Variants in TMEM164 observed in about 807,000 individuals in gnomAD.
TMEM164 encodes the protein RP13-360B22.2.
A neutral mutation model predicts 18.8 loss-of-function variants in TMEM164; 4 were observed. The observed-to-expected ratio is 0.21, with a 90% CI of 0.10 to 0.49. TMEM164 has a LOEUF of 0.49. Among genes scored for constraint, TMEM164 ranks in the 20% least tolerant of loss-of-function variants. The pLI is 0.98. For synonymous variants in TMEM164, 86 were observed against 101.7 expected, an observed-to-expected ratio of 0.85 and a Z score of 0.93; for missense variants, 108 against 239.9, an observed-to-expected ratio of 0.45 and a Z score of 3.63.
At chrX:110,029,011 TC>T (rs1314610738) in intron 2 of TMEM164, among the ~76,000 whole-genome samples, 1 of 111,323 alleles carries the variant, frequency 9.0e-6, no homozygotes, top group Admixed American at 9.6e-5. Flanking sequence ...AATATAGGGG[TC>T]CCGTGGCAAC....
At chrX:110,072,792 C>G (rs2065614122) in intron 3 of TMEM164, among the ~76,000 whole-genome samples, 1 of 109,611 alleles carries the variant, frequency 9.1e-6, no homozygotes, top group Non-Finnish European at 1.9e-5. Flanking sequence ...CTCTCAAGCA[C>G]AAGGACAAGT....
chrX:110,164,432 A>T (rs774762244), intron 5 of TMEM164, among the ~76,000 whole-genome samples: 1 of 111,405 alleles, frequency 9.0e-6, no homozygotes, highest in African/African-American at 3.3e-5. Context: ...ATCGGGAGTG[A>T]GCTGGAAAGG....
At chrX:110,031,812 C>T (rs1163614508) in intron 2 of TMEM164, among the ~76,000 whole-genome samples, 2 of 109,996 alleles carry the variant, frequency 1.8e-5, no homozygotes, top group Admixed American at 1.9e-4. Context: ...TACTACTGTA[C>T]TCTCTACTTC....
chrX:110,062,237 A>G (rs1602552950), intron 2 of TMEM164, among the ~76,000 whole-genome samples: 1 of 112,436 alleles, frequency 8.9e-6, no homozygotes, highest in East Asian at 2.8e-4. Flanking sequence ...TGAAAAGAAC[A>G]CACCAGCTGA....
intron 4 of TMEM164, among the ~76,000 whole-genome samples, chrX:110,115,308 G>C (rs2066345413): frequency 1.8e-5 from 2 of 112,391 alleles, no homozygotes; most frequent in African/African-American, 3.2e-5. Context: ...CCTGAACTGA[G>C]GACAGAATGT....
chrX:110,110,314 C>T (rs777175059), intron 4 of TMEM164, among the ~76,000 whole-genome samples: 101 of 112,272 alleles, frequency 9.0e-4, no homozygotes, highest in African/African-American at 3.1e-3. Context: ...TCATCTAAAG[C>T]AGCGATTTTG....
chrX:110,178,435 G>A (rs2067310370), downstream of TMEM164, among the ~76,000 whole-genome samples: 1 of 112,039 alleles, frequency 8.9e-6, no homozygotes, highest in African/African-American at 3.2e-5. Context: ...GGCTGGTGGG[G>A]AGGAGGTGAG....
chrX:110,084,373 A>ATAG (rs1284472054), intron 3 of TMEM164, among the ~76,000 whole-genome samples: 3 of 62,874 alleles, frequency 4.8e-5, no homozygotes, highest in Non-Finnish European at 8.0e-5. Flanking sequence ...TATAGTATAT[A>ATAG]TATAGTGTAT....
At chrX:110,153,972 T>A (rs2066981802) in intron 5 of TMEM164, among the ~76,000 whole-genome samples, 1 of 111,890 alleles carries the variant, frequency 8.9e-6, no homozygotes, top group Non-Finnish European at 1.9e-5. Context: ...ATTTGTATTT[T>A]TTTTTACTAT....
At chrX:110,094,035 C>T (rs1207070046) in intron 3 of TMEM164, among the ~76,000 whole-genome samples, 3 of 111,507 alleles carry the variant, frequency 2.7e-5, no homozygotes, top group Non-Finnish European at 5.6e-5. Flanking sequence ...AGTTTGATTG[C>T]ACTGTGGTCT....
At chrX:110,099,576 A>G (rs1005686750) in intron 3 of TMEM164, among the ~76,000 whole-genome samples, 2 of 112,466 alleles carry the variant, frequency 1.8e-5, no homozygotes, top group Non-Finnish European at 3.8e-5. Flanking sequence ...TGATGTGTCT[A>G]TTCTTGGGCA....
chrX:110,141,379 C>T (rs1377046749), intron 4 of TMEM164, among the ~76,000 whole-genome samples: 3 of 111,888 alleles, frequency 2.7e-5, no homozygotes, highest in Admixed American at 9.5e-5. Flanking sequence ...AAGACATACA[C>T]AAGACTGGGT....
At chrX:110,031,156 T>C (rs1934487591) in intron 2 of TMEM164, among the ~76,000 whole-genome samples, 1 of 111,856 alleles carries the variant, frequency 8.9e-6, no homozygotes, top group African/African-American at 3.2e-5. Context: ...ACATGAGGTG[T>C]TCGGTTTTCT....
At chrX:110,137,377 A>G (rs1297278807) in intron 4 of TMEM164, among the ~76,000 whole-genome samples, 1 of 111,244 alleles carries the variant, frequency 9.0e-6, no homozygotes, top group East Asian at 2.8e-4. Flanking sequence ...GTCATCTTCA[A>G]CTTCTTATCT....
chrX:110,129,582 T>C (rs1449678602), intron 4 of TMEM164, among the ~76,000 whole-genome samples: 2 of 112,776 alleles, frequency 1.8e-5, no homozygotes. Flanking sequence ...AATAAAACAA[T>C]TTTAAAAATA....
chrX:110,033,655 C>T (rs1031485871), intron 2 of TMEM164, among the ~76,000 whole-genome samples: 11 of 111,261 alleles, frequency 9.9e-5, no homozygotes, highest in African/African-American at 3.6e-4. Flanking sequence ...GGCCCATATT[C>T]ACTGGGGATA....
chrX:110,069,409 A>G (rs897910725), intron 3 of TMEM164, among the ~76,000 whole-genome samples: 1 of 111,014 alleles, frequency 9.0e-6, no homozygotes, highest in Non-Finnish European at 1.9e-5. Context: ...TTTTTGTCCA[A>G]TTAAATTTGT....
chrX:110,071,834 G>A (rs890229678), intron 3 of TMEM164, among the ~76,000 whole-genome samples: 6 of 109,574 alleles, frequency 5.5e-5, no homozygotes, highest in Admixed American at 9.9e-5. Flanking sequence ...CCAGGAGTTC[G>A]AGGCTGCAGT....
intron 5 of TMEM164, among the ~76,000 whole-genome samples, chrX:110,155,089 C>T (rs749185783): frequency 1.3e-4 from 15 of 111,776 alleles, no homozygotes; most frequent in African/African-American, 4.9e-4. Flanking sequence ...ACTGCCGTCT[C>T]TAGAGGTCAG....
Sources: gnomAD v4.1 joint callset for allele counts (sites outside exome capture counted in the v4.1 genomes callset) on GRCh38, gnomAD v4.1.1 for gene constraint, MANE v1.5 for transcripts, NCBI Gene and HGNC (gene_info 2026-07-23, HGNC 2026-07-21) for gene names.